The following SIPA1L2 variants were observed in gnomAD, a reference collection of about 807,000 sequenced individuals.
SIPA1L2 encodes the protein signal induced proliferation associated 1 like 2.
A neutral mutation model predicts 163.9 loss-of-function variants in SIPA1L2; 56 were observed. That is an observed-to-expected ratio of 0.34 (90% confidence interval 0.28 to 0.43). The LOEUF is 0.43. Ranked by LOEUF, SIPA1L2 falls within the 20% of genes least tolerant of loss-of-function variation. The probability of loss-of-function intolerance (pLI) is 1.00; values close to 1 mark genes in which losing one functional copy is unlikely to be tolerated. For synonymous variants in SIPA1L2, 877 were observed against 865.7 expected, an observed-to-expected ratio of 1.01 and a Z score of -0.23; for missense variants, 1,974 against 2,193.5, an observed-to-expected ratio of 0.90 and a Z score of 2.00.
chr1:232,587,080 C>A (rs12140036), intron 1 of SIPA1L2, among the ~76,000 whole-genome samples: 77,286 of 152,040 alleles, frequency 0.51, 20,482 homozygotes, highest in East Asian at 0.75. Flanking sequence ...TACTTTTATA[C>A]TACAAAAAGA....
intron 3 of SIPA1L2, among the ~76,000 whole-genome samples, chr1:232,507,567 G>C (rs1666785385): frequency 6.6e-6 from 1 of 152,202 alleles, no homozygotes; most frequent in Admixed American, 6.5e-5. Context: ...TTCAAGTAAA[G>C]ATTTCTTTAC....
intron 17 of SIPA1L2, among the ~76,000 whole-genome samples, chr1:232,427,854 C>G (rs1661991508): frequency 6.6e-6 from 1 of 152,128 alleles, no homozygotes; most frequent in African/African-American, 2.4e-5. Flanking sequence ...TTAAAATGCC[C>G]AGCAGTGTGC....
Position 232,460,980 on chromosome 1 carries a change from G to C in SIPA1L2, c.3002C>G (p.Thr1001Ser), listed in dbSNP as rs1664205536. 1 of 1,614,098 alleles carries C rather than the reference G, an allele frequency of 6.2e-7. No individual in the cohort carries two copies. The highest frequency in any genetic ancestry group is 1.3e-5 in the African/African-American group (1 of 74,940). ...GTCGATCATCTGCTCGTGGGTCAGA[G>C]TGGCCACGGCTACTTTGCAGATCTC... ...LVEICKVAVA[T>S]LTHEQMIDLL... Residue 1001 changes from threonine (T) to serine (S), a missense_variant, in exon 10 of 23, where the codon ACT becomes AGT. Thr to Ser is a moderately conservative substitution (Grantham distance 58, BLOSUM62 1). Around this residue, in one of 3 missense-constraint regions of SIPA1L2, gnomAD observed 1,079 missense variants for 1,150.7 expected, o/e 0.94. Transcript: ENST00000674635.
At chr1:232,421,699 C>T (rs570458112) in intron 18 of SIPA1L2, among the ~76,000 whole-genome samples, 4 of 152,308 alleles carry the variant, frequency 2.6e-5, no homozygotes, top group African/African-American at 9.6e-5. Flanking sequence ...CGAGGCTACA[C>T]ATGTGGTCTG....
intron 1 of SIPA1L2, among the ~76,000 whole-genome samples, chr1:232,603,273 G>A (rs919101965): frequency 6.6e-6 from 1 of 152,208 alleles, no homozygotes; most frequent in Admixed American, 6.5e-5. Context: ...GACGACTAGG[G>A]ACAGCTGGAG....
At chr1:232,425,088 CA>C (rs1661808597) in intron 18 of SIPA1L2, among the ~76,000 whole-genome samples, 1 of 152,156 alleles carries the variant, frequency 6.6e-6, no homozygotes, top group African/African-American at 2.4e-5. Context: ...TGCACAGGAA[CA>C]CAAAGCCGCC....
chr1:232,439,162 C>T lies in SIPA1L2; in HGVS notation c.3977G>A (p.Gly1326Asp), dbSNP rs752678275. 1.1e-5 allele frequency: 17 copies of T among 1,613,212 alleles called. 1 individual carries two copies. Among genetic ancestry groups the T allele is most frequent in the Non-Finnish European group, 1.4e-5 (17 of 1,179,824 alleles). ...GCCCATGCTGCCTTCCGCAGCACTG[C>T]CGGCGGAGATGGTGGACGCGTAGCC... is the stretch of plus-strand genomic sequence containing the variant. ...VHGYASTISA[G>D]SAAEGSMGDL... The change falls in exon 15 of 23, where the codon GGC becomes GAC. Residue 1326 changes from glycine (G) to aspartate (D), a missense_variant. Transcript: ENST00000674635.
chr1:232,418,445 T>G (rs1661385763), intron 18 of SIPA1L2, among the ~76,000 whole-genome samples: 3 of 152,236 alleles, frequency 2.0e-5, no homozygotes, highest in African/African-American at 7.2e-5. Flanking sequence ...AAGTTCCTGA[T>G]ACGTGGCCAT....
chr1:232,472,940 C>T (rs951322269), intron 7 of SIPA1L2, among the ~76,000 whole-genome samples: 1 of 152,188 alleles, frequency 6.6e-6, no homozygotes, highest in Non-Finnish European at 1.5e-5. Flanking sequence ...ACTGCTGATT[C>T]ATATGCTGAG....
At chr1:232,402,355 G>T in intron 22 of SIPA1L2, 37 bp downstream of exon 22, 2 of 1,585,240 alleles carry the variant, frequency 1.3e-6, no homozygotes, top group South Asian at 2.3e-5. Flanking sequence ...GATTTTATAA[G>T]AGAAACAGTT....
chr1:232,459,990 C>T (rs12137986), intron 10 of SIPA1L2, among the ~76,000 whole-genome samples: 27,710 of 151,836 alleles, frequency 0.18, 2,697 homozygotes, highest in Non-Finnish European at 0.21. Flanking sequence ...TTGCCCCAGG[C>T]CACACAGCAA....
chr1:232,466,017 G>A (rs1220812083), intron 8 of SIPA1L2, among the ~76,000 whole-genome samples: 1 of 152,016 alleles, frequency 6.6e-6, no homozygotes, highest in East Asian at 1.9e-4. Flanking sequence ...ATAAAAGTCT[G>A]CCGTTTAAGC....
chr1:232,538,522 C>T (rs766305116), intron 2 of SIPA1L2, among the ~76,000 whole-genome samples: 32 of 152,206 alleles, frequency 2.1e-4, no homozygotes, highest in South Asian at 4.1e-4. Context: ...TCCCCCAACA[C>T]CACTTTCCAT....
intron 2 of SIPA1L2, among the ~76,000 whole-genome samples, chr1:232,547,565 C>A (rs918401359): frequency 3.9e-4 from 1 of 2,586 alleles, no homozygotes; most frequent in African/African-American, 1.5e-3. Flanking sequence ...CACTGTGGCC[C>A]GGGGTGGGGG....
intron 2 of SIPA1L2, among the ~76,000 whole-genome samples, chr1:232,556,078 T>C (rs1658686356): frequency 6.6e-6 from 1 of 152,212 alleles, no homozygotes; most frequent in East Asian, 1.9e-4. Flanking sequence ...AAAGATAACA[T>C]GAGTGCACAC....
intron 19 of SIPA1L2, among the ~76,000 whole-genome samples, chr1:232,412,190 G>A (rs2102768599): frequency 6.6e-6 from 1 of 152,336 alleles, no homozygotes; most frequent in African/African-American, 2.4e-5. Flanking sequence ...AAATGAAGGT[G>A]AACATATCAT....
chr1:232,451,075 C>T (rs554332580), intron 10 of SIPA1L2, among the ~76,000 whole-genome samples: 1 of 152,166 alleles, frequency 6.6e-6, no homozygotes, highest in Non-Finnish European at 1.5e-5. Flanking sequence ...GACACTTTTA[C>T]AGCAACTACT....
At chr1:232,472,198 G>T (rs1664835210) in intron 7 of SIPA1L2, among the ~76,000 whole-genome samples, 1 of 152,140 alleles carries the variant, frequency 6.6e-6, no homozygotes, top group South Asian at 2.1e-4. Context: ...TGTTCCTTCT[G>T]CCAAGAATGC....
At chr1:232,608,834 T>C (rs1662100195) in intron 1 of SIPA1L2, among the ~76,000 whole-genome samples, 1 of 152,088 alleles carries the variant, frequency 6.6e-6, no homozygotes, top group Non-Finnish European at 1.5e-5. Context: ...TACCTGGGAC[T>C]GTAAGATTCC....
Sources: gnomAD v4.1 joint callset for allele counts (sites outside exome capture counted in the v4.1 genomes callset) on GRCh38, gnomAD v4.1.1 for gene constraint, gnomAD v4.1.1 regional missense constraint, MANE v1.5 for transcripts, NCBI Gene and HGNC (gene_info 2026-07-23, HGNC 2026-07-21) for gene names.